DNAJB14: variants seen among roughly 807,000 people sequenced by gnomAD.
The protein encoded by DNAJB14 is dnaJ homolog subfamily B member 14.
A neutral mutation model predicts 48.4 loss-of-function variants in DNAJB14; 22 were observed. That is an observed-to-expected ratio of 0.45 (90% confidence interval 0.32 to 0.65). The LOEUF is 0.65. Among genes scored for constraint, DNAJB14 ranks in the 30% least tolerant of loss-of-function variants. The pLI, the probability that DNAJB14 is intolerant of heterozygous loss-of-function variation, is 0.03. For synonymous variants in DNAJB14, 142 were observed against 158.7 expected (o/e 0.89, Z 0.79); for missense variants, 319 against 458.8 (o/e 0.70, Z 2.78).
chr4:99,936,307 T>C (rs1173709265), intron 1 of DNAJB14, among the ~76,000 whole-genome samples: 1 of 152,224 alleles, frequency 6.6e-6, no homozygotes. Context: ...GAAATGGAGA[T>C]GGCTGGAATG....
rs751151762 is a variant in DNAJB14 at position 99,909,809 on chromosome 4, GA to G, written c.452-914del. ...CCCACATAAAAACTAATGTCATGCT[GA>G]AAAAAAAGACTACCTGAAACTAATC... On this transcript the variant is annotated intron_variant, in intron 3 of 7. Coordinates refer to ENST00000442697, the MANE Select transcript of DNAJB14 (RefSeq NM_001031723.4). 5.5e-4 allele frequency among the ~76,000 whole-genome samples: 83 copies of G among 151,230 alleles called. 3 individuals are homozygous for G. Among genetic ancestry groups the G allele is most frequent in the Admixed American group, 3.0e-3 (46 of 15,210 alleles).
At position 99,917,335 on chromosome 4, in the gene DNAJB14, A is replaced by G. The variant is rs112894702; in HGVS notation, c.451+5705T>C. ...ACTATAACAAAATATCATAAACTGC[A>G]TAGTTTATAACCAAATCTATTTCTC... is the stretch of plus-strand genomic sequence containing the variant. On this transcript the variant is annotated intron_variant, in intron 3 of 7. Transcript: ENST00000442697. 3.3e-4 allele frequency among the ~76,000 whole-genome samples: 51 copies of G among 152,340 alleles called. 3 individuals are homozygous for G. The highest frequency in any genetic ancestry group is 1.1e-3 in the African/African-American group (47 of 41,580).
chr4:99,896,289 A>G lies in DNAJB14; in HGVS notation c.*4739T>C, dbSNP rs1725146746. On this transcript the variant is annotated 3_prime_UTR_variant, in exon 8 of 8. Transcript: ENST00000442697. ...GACCTTTTTATTAATATATTGAGAT[A>G]AACTACAGAGACTGAAAGACAAAAA... is the stretch of plus-strand genomic sequence containing the variant. The G allele has an allele frequency of 6.6e-6, 1 of 152,220 alleles. No homozygotes were observed. Among genetic ancestry groups the G allele is most frequent in the Admixed American group, 6.5e-5 (1 of 15,286 alleles). The allele number at this position is 152,220 out of a possible 1,614,324, so 9.4% of individuals were successfully genotyped here. A position where few individuals can be genotyped will look rare whatever the true frequency, so the allele number is the denominator to read the frequency against.
At position 99,899,467 on chromosome 4, in the gene DNAJB14, T is replaced by A. The variant is rs1725225794; in HGVS notation, c.*1561A>T. ...GCTCTCCAGTTTTCCTATGACAGTATGTTGTTTAGTTTAACCTACTAATTC... is the reference window on the plus strand; with the variant it reads ...GCTCTCCAGTTTTCCTATGACAGTAAGTTGTTTAGTTTAACCTACTAATTC... On this transcript the variant is annotated 3_prime_UTR_variant, in exon 8 of 8. Coordinates refer to ENST00000442697, the MANE Select transcript of DNAJB14 (RefSeq NM_001031723.4). 6.6e-6 allele frequency: 1 copy of A among 152,118 alleles called. No individual in the cohort carries two copies. Among genetic ancestry groups the A allele is most frequent in the African/African-American group, 2.4e-5 (1 of 41,378 alleles). The allele number at this position is 152,118 out of a possible 1,614,324, so 9.4% of individuals were successfully genotyped here.
chr4:99,943,172 AAAG>A (rs1726941911), intron 1 of DNAJB14, among the ~76,000 whole-genome samples: 1 of 152,150 alleles, frequency 6.6e-6, no homozygotes, highest in South Asian at 2.1e-4. Flanking sequence ...ACATATAACT[AAAG>A]AAGGCTCAGA....
In DNAJB14 at chr4:99,946,597, C is replaced by T. The variant is rs1727090059; in HGVS notation, c.-26G>A. The T allele has an allele frequency of 8.1e-6, 13 of 1,611,478 alleles. No homozygotes were observed. The highest frequency in any genetic ancestry group is 1.1e-5 in the South Asian group (1 of 91,048). ...AGCTTGCTCCTTCTTCCGTTTCCTC[C>T]GGCAGCGCAGCTAAGAAGGGCGGAA... On this transcript the variant is annotated 5_prime_UTR_variant, in exon 1 of 8. Transcript: ENST00000442697.
chr4:99,909,632 A>G (rs986176240), intron 3 of DNAJB14, among the ~76,000 whole-genome samples: 1 of 152,050 alleles, frequency 6.6e-6, no homozygotes, highest in Non-Finnish European at 1.5e-5. Flanking sequence ...TATAAAAAAG[A>G]ATTCTCTTTC....
intron 1 of DNAJB14, among the ~76,000 whole-genome samples, chr4:99,931,911 G>A (rs552031665): frequency 6.6e-6 from 1 of 151,976 alleles, no homozygotes; most frequent in Admixed American, 6.6e-5. Flanking sequence ...AAAATACTTA[G>A]AACTGAATAG....
intron 1 of DNAJB14, among the ~76,000 whole-genome samples, chr4:99,939,809 G>A (rs1166234186): frequency 6.6e-6 from 1 of 152,224 alleles, no homozygotes; most frequent in Non-Finnish European, 1.5e-5. Context: ...AGATGACTCA[G>A]TTCAACTACC....
chr4:99,923,531 G>T, intron 2 of DNAJB14: 1 of 350,310 alleles, frequency 2.9e-6, no homozygotes. Context: ...TTTAGTACTT[G>T]TAAGTGGATA....
rs1287331383 is a variant in DNAJB14, at chr4:99,900,091, T to G, written c.*937A>C. 1 of 152,388 alleles carries G rather than the reference T, an allele frequency of 6.6e-6. No individual in the cohort carries two copies. The highest frequency in any genetic ancestry group is 1.5e-5 in the Non-Finnish European group (1 of 67,854). 9.4% of individuals were successfully genotyped at this position (152,388 alleles called of 1,614,324 possible). A position where few individuals can be genotyped will look rare whatever the true frequency, so the allele number is the denominator to read the frequency against. On this transcript the variant is annotated 3_prime_UTR_variant, in exon 8 of 8. Transcript: ENST00000442697. ...AGTACTCATTTTTCTTATTACTTAT[T>G]TGTAAAGGAACTTCTTTGGATCCTG... is the stretch of plus-strand genomic sequence containing the variant.
At chr4:99,932,957 T>A (rs760317295) in intron 1 of DNAJB14, among the ~76,000 whole-genome samples, 36 of 152,166 alleles carry the variant, frequency 2.4e-4, no homozygotes, top group Middle Eastern at 3.4e-3. Flanking sequence ...AGTAAATGAA[T>A]CATTGCCAAA....
intron 7 of DNAJB14, 101 bp from the exon 8 acceptor site, chr4:99,901,253 A>T (rs914009536): frequency 4.9e-5 from 52 of 1,054,896 alleles, no homozygotes; most frequent in Non-Finnish European, 6.2e-5. Context: ...ATATATTTTG[A>T]TTAACTGACT....
intron 2 of DNAJB14, chr4:99,929,926 G>C (rs1726399493): frequency 6.6e-6 from 1 of 152,030 alleles, no homozygotes; most frequent in South Asian, 2.1e-4. Context: ...TAAAATTAAA[G>C]CCAGATACCC....
At chr4:99,916,574 C>T (rs1235177286) in intron 3 of DNAJB14, among the ~76,000 whole-genome samples, 1 of 151,972 alleles carries the variant, frequency 6.6e-6, no homozygotes, top group Admixed American at 6.6e-5. Flanking sequence ...TCTTTCATTC[C>T]TGTTTTCTTT....
intron 3 of DNAJB14, among the ~76,000 whole-genome samples, chr4:99,916,314 T>A (rs982128577): frequency 1.3e-5 from 2 of 152,102 alleles, no homozygotes; most frequent in African/African-American, 4.8e-5. Flanking sequence ...AATTTTTTAA[T>A]TTTTTATAGA....
chr4:99,902,500 T>C (rs1725328360), intron 7 of DNAJB14, among the ~76,000 whole-genome samples: 1 of 149,224 alleles, frequency 6.7e-6, no homozygotes, highest in Non-Finnish European at 1.5e-5. Flanking sequence ...ACTCATTGAG[T>C]TAGAAGTCAA....
At chr4:99,941,150 C>T (rs1726877463) in intron 1 of DNAJB14, among the ~76,000 whole-genome samples, 1 of 151,950 alleles carries the variant, frequency 6.6e-6, no homozygotes. Flanking sequence ...ATGTAAAATA[C>T]TGTTAGGCAT....
intron 3 of DNAJB14, among the ~76,000 whole-genome samples, chr4:99,919,613 A>AC (rs200180970): frequency 5.7e-4 from 86 of 151,794 alleles, no homozygotes; most frequent in Admixed American, 1.4e-3. Context: ...AAACAAACAA[A>AC]AACCTAAGCA....
Sources: gnomAD v4.1 joint callset for allele counts (sites outside exome capture counted in the v4.1 genomes callset) on GRCh38, gnomAD v4.1.1 for gene constraint, MANE v1.5 for transcripts, NCBI Gene and HGNC (gene_info 2026-07-23, HGNC 2026-07-21) for gene names.